RAB2A: variants seen among roughly 807,000 people sequenced by gnomAD.
RAB2A encodes the protein ras-related protein Rab-2A.
In RAB2A, 7 loss-of-function variants were observed where a neutral mutation model predicts 32.5. The observed-to-expected ratio is 0.22, with a 90% confidence interval of 0.12 to 0.40. RAB2A has a LOEUF of 0.40. Ranked by LOEUF, RAB2A falls within the 10% of genes least tolerant of loss-of-function variation. RAB2A has a pLI of 1.00. For missense variants in RAB2A, 108 were observed against 260.7 expected (o/e 0.41, Z 4.03); for synonymous variants, 79 against 85.2 (o/e 0.93, Z 0.40).
Position 60,584,756 on chromosome 8 carries a change from A to G in RAB2A, c.303A>G (p.Leu101=), listed in dbSNP as rs757155305. 37 of 1,613,564 alleles carry G rather than the reference A, an allele frequency of 2.3e-5. No homozygotes were observed. The highest frequency in any genetic ancestry group is 2.9e-5 in the Non-Finnish European group (34 of 1,179,732). ...RDTFNHLTTW[L]EDARQHSNSN... Reference sequence around the variant, plus strand: ...CATTCAACCACTTGACAACCTGGTTAGAAGATGCCCGCCAGCATTCCAATT... The same window carrying G: ...CATTCAACCACTTGACAACCTGGTTGGAAGATGCCCGCCAGCATTCCAATT... Residue 101 remains leucine (L), a synonymous_variant, in exon 5 of 8, where the codon TTA becomes TTG. Coordinates refer to ENST00000262646, the MANE Select transcript of RAB2A (RefSeq NM_002865.3).
intron 1 of RAB2A, among the ~76,000 whole-genome samples, chr8:60,520,501 A>G (rs548277622): frequency 7.2e-5 from 11 of 152,330 alleles, no homozygotes; most frequent in East Asian, 3.9e-4. Context: ...CTGCTGCTCA[A>G]CGCTCAGCAA....
At chr8:60,573,665 C>G (rs988524585) in intron 3 of RAB2A, among the ~76,000 whole-genome samples, 1 of 152,210 alleles carries the variant, frequency 6.6e-6, no homozygotes, top group Admixed American at 6.5e-5. Flanking sequence ...CAGGCAGCAT[C>G]TCAAAACTGC....
intron 3 of RAB2A, among the ~76,000 whole-genome samples, chr8:60,581,298 T>C (rs892131329): frequency 1.3e-5 from 2 of 152,208 alleles, no homozygotes; most frequent in Non-Finnish European, 2.9e-5. Context: ...GAAACACTTC[T>C]GGTTCAAAGC....
intron 1 of RAB2A, among the ~76,000 whole-genome samples, chr8:60,534,023 C>T (rs922539099): frequency 6.6e-6 from 1 of 152,016 alleles, no homozygotes; most frequent in Admixed American, 6.6e-5. Flanking sequence ...TGTGGGCAGT[C>T]CCTGTGCTGG....
intron 6 of RAB2A, among the ~76,000 whole-genome samples, chr8:60,594,593 A>G (rs901548006): frequency 1.3e-5 from 2 of 152,062 alleles, no homozygotes; most frequent in African/African-American, 4.8e-5. Context: ...CCAAGTAATC[A>G]TTTACATTGG....
At chr8:60,548,745 T>G (rs1225144778) in intron 1 of RAB2A, among the ~76,000 whole-genome samples, 1 of 117,812 alleles carries the variant, frequency 8.5e-6, no homozygotes, top group Non-Finnish European at 1.7e-5. Flanking sequence ...ACCTGCCGGA[T>G]GGGGCGGCTG....
chr8:60,590,066 A>G lies in RAB2A; in HGVS notation c.363-1792A>G, dbSNP rs531008426. Among the ~76,000 whole-genome samples the G allele has an allele frequency of 5.9e-5, 9 of 151,950 alleles. No homozygotes were observed. In the South Asian group the frequency reaches 1.7e-3, roughly 28 times the overall value. ...AACCTCCGCCTCCCAGGTTCAAGCA[A>G]TTCTCCCGCCTCAGTCTCCTGAGTA... On this transcript the variant is annotated intron_variant, in intron 5 of 7. Transcript: ENST00000262646.
At chr8:60,600,056 T>C (rs1048803101) in intron 6 of RAB2A, among the ~76,000 whole-genome samples, 1 of 127,554 alleles carries the variant, frequency 7.8e-6, no homozygotes, top group African/African-American at 3.7e-5. Context: ...TGAGTAATTT[T>C]ACTCGGTAGT....
At chr8:60,532,406 T>C (rs1033594480) in intron 1 of RAB2A, among the ~76,000 whole-genome samples, 2 of 152,342 alleles carry the variant, frequency 1.3e-5, no homozygotes, top group Middle Eastern at 3.4e-3. Context: ...TAATAATGTA[T>C]GCCCGATGAA....
chr8:60,520,756 T>G (rs1807289736), intron 1 of RAB2A, among the ~76,000 whole-genome samples: 1 of 152,228 alleles, frequency 6.6e-6, no homozygotes. Flanking sequence ...TTACATTTTA[T>G]TTTTTATTTT....
chr8:60,615,232 A>C lies in RAB2A; in HGVS notation c.475-3348A>C, dbSNP rs186875973. On this transcript the variant is annotated intron_variant, in intron 6 of 7. Coordinates refer to ENST00000262646, the MANE Select transcript of RAB2A (RefSeq NM_002865.3). ...CTGTAGGTATTTCCTTGCTAAGGGTAATTGAGTTTAACAAAGGCGGTTTAA... is the reference window on the plus strand; with the variant it reads ...CTGTAGGTATTTCCTTGCTAAGGGTCATTGAGTTTAACAAAGGCGGTTTAA... Among the ~76,000 whole-genome samples, 447 of 152,342 alleles carry C rather than the reference A, an allele frequency of 2.9e-3. 3 individuals are homozygous for C. The highest frequency in any genetic ancestry group is 0.014 in the Middle Eastern group (4 of 294).
intron 6 of RAB2A, among the ~76,000 whole-genome samples, chr8:60,616,133 C>A (rs1296755530): frequency 2.0e-5 from 3 of 152,078 alleles, no homozygotes; most frequent in African/African-American, 7.2e-5. Context: ...ATCCTTAATT[C>A]ATCTGGTACA....
intron 6 of RAB2A, among the ~76,000 whole-genome samples, chr8:60,600,060 C>T (rs1304431566): frequency 7.3e-5 from 8 of 109,978 alleles, no homozygotes; most frequent in Non-Finnish European, 1.0e-4. Context: ...TAATTTTACT[C>T]GGTAGTAAAA....
At chr8:60,545,030 C>T (rs1807706269) in intron 1 of RAB2A, among the ~76,000 whole-genome samples, 1 of 152,000 alleles carries the variant, frequency 6.6e-6, no homozygotes, top group Admixed American at 6.6e-5. Flanking sequence ...CAGGCGTGAG[C>T]CACCATGCCT....
At chr8:60,619,061 T>C (rs1333013450) in intron 7 of RAB2A, 2 of 152,182 alleles carry the variant, frequency 1.3e-5, no homozygotes, top group African/African-American at 4.8e-5. Context: ...CTCTCTGTTA[T>C]CTGGCAGGAA....
At chr8:60,608,461 C>T (rs1187921952) in intron 6 of RAB2A, among the ~76,000 whole-genome samples, 2 of 150,894 alleles carry the variant, frequency 1.3e-5, no homozygotes, top group South Asian at 2.1e-4. Context: ...TGTCTCCCCG[C>T]CCCCGGTCCT....
chr8:60,535,163 G>T (rs1228576219), intron 1 of RAB2A, among the ~76,000 whole-genome samples: 1 of 152,142 alleles, frequency 6.6e-6, no homozygotes, highest in Admixed American at 6.5e-5. Context: ...TTACTTGCAG[G>T]CTTTCTTGTA....
chr8:60,603,447 T>A (rs1804171832), intron 6 of RAB2A, among the ~76,000 whole-genome samples: 1 of 152,212 alleles, frequency 6.6e-6, no homozygotes, highest in South Asian at 2.1e-4. Context: ...GGAAATAAGT[T>A]TACTATTAGT....
At chr8:60,563,353 T>C (rs1311584972) in intron 2 of RAB2A, among the ~76,000 whole-genome samples, 1 of 152,234 alleles carries the variant, frequency 6.6e-6, no homozygotes, top group African/African-American at 2.4e-5. Flanking sequence ...GTTCATGTGC[T>C]GTTGTGCTGG....
Sources: gnomAD v4.1 joint callset for allele counts (sites outside exome capture counted in the v4.1 genomes callset) on GRCh38, gnomAD v4.1.1 for gene constraint, MANE v1.5 for transcripts, NCBI Gene and HGNC (gene_info 2026-07-23, HGNC 2026-07-21) for gene names.